The following INPP5A variants were observed in gnomAD, a reference collection of about 807,000 sequenced individuals.
The protein encoded by INPP5A is inositol polyphosphate-5-phosphatase A, also known as 43 kDa inositol polyphosphate 5-phophatase.
In INPP5A, 14 loss-of-function variants were observed where a neutral mutation model predicts 65.2. That is an observed-to-expected ratio of 0.21 (90% confidence interval 0.14 to 0.34). INPP5A has a LOEUF of 0.34. Ranked by LOEUF, INPP5A falls within the 10% of genes least tolerant of loss-of-function variation. The pLI, the probability that INPP5A is intolerant of heterozygous loss-of-function variation, is 1.00. For missense variants in INPP5A, 431 were observed against 545.6 expected, an observed-to-expected ratio of 0.79 and a Z score of 2.09; for synonymous variants, 207 against 208.3, an observed-to-expected ratio of 0.99 and a Z score of 0.05.
intron 7 of INPP5A, among the ~76,000 whole-genome samples, chr10:132,709,826 C>T (rs1845603807): frequency 6.6e-6 from 1 of 152,244 alleles, no homozygotes; most frequent in African/African-American, 2.4e-5. Context: ...GACAGAGGCT[C>T]AGGCCTTGAT....
intron 8 of INPP5A, among the ~76,000 whole-genome samples, chr10:132,721,089 G>T (rs1415713843): frequency 6.6e-6 from 1 of 150,840 alleles, no homozygotes; most frequent in East Asian, 2.0e-4. Flanking sequence ...TGGTACCTGG[G>T]TTCTGCCTGG....
At chr10:132,755,422 G>A (rs1476880220) in intron 11 of INPP5A, among the ~76,000 whole-genome samples, 2 of 151,598 alleles carry the variant, frequency 1.3e-5, no homozygotes, top group Non-Finnish European at 2.9e-5. Context: ...GCAGGCATAT[G>A]CATATGAGTG....
At chr10:132,720,756 CT>C (rs1279558867) in intron 8 of INPP5A, among the ~76,000 whole-genome samples, 2 of 149,864 alleles carry the variant, frequency 1.3e-5, no homozygotes, top group African/African-American at 5.0e-5. Context: ...CCTTAGACGG[CT>C]GTCTTGCGGG....
chr10:132,715,689 G>A (rs1351522615), intron 8 of INPP5A, among the ~76,000 whole-genome samples: 1 of 152,262 alleles, frequency 6.6e-6, no homozygotes, highest in Non-Finnish European at 1.5e-5. Flanking sequence ...TCCAGGCAAA[G>A]GCAAACTCGG....
chr10:132,665,634 C>T (rs981299644), intron 4 of INPP5A, among the ~76,000 whole-genome samples: 3 of 141,212 alleles, frequency 2.1e-5, no homozygotes, highest in African/African-American at 5.4e-5. Flanking sequence ...ATTGCTTGAG[C>T]TTAGGAGTAA....
intron 1 of INPP5A, among the ~76,000 whole-genome samples, chr10:132,565,705 A>AT (rs2071264794): frequency 6.7e-6 from 1 of 148,834 alleles, no homozygotes; most frequent in African/African-American, 2.5e-5. Context: ...GTGTATGTGA[A>AT]TGTGTGCCTG....
At position 132,545,882 on chromosome 10, in the gene INPP5A, A is replaced by G. The variant is rs1209721095; in HGVS notation, c.75+7711A>G. 6.6e-6 allele frequency among the ~76,000 whole-genome samples: 1 copy of G among 152,174 alleles called. No homozygotes were observed. The highest frequency in any genetic ancestry group is 1.5e-5 in the Non-Finnish European group (1 of 68,030). On this transcript the variant is annotated intron_variant, in intron 1 of 15. Coordinates refer to ENST00000368594, the MANE Select transcript of INPP5A (RefSeq NM_005539.5). This position sits in a 1 kb window ranked among gnomAD's most constrained non-coding sequence, Gnocchi z 4.6. ...GCTTTCAGGAAGGCCGACTGCCTCA[A>G]TCGTGGTTGCTGCCTCCGCTCGGCC...
At chr10:132,655,967 G>A (rs1231651054) in intron 4 of INPP5A, among the ~76,000 whole-genome samples, 3 of 152,260 alleles carry the variant, frequency 2.0e-5, no homozygotes, top group Non-Finnish European at 4.4e-5. Flanking sequence ...TGGGTCCCAT[G>A]CAGACTGGTG....
At position 132,674,682 on chromosome 10, in the gene INPP5A, G is replaced by C. The variant is rs1366574450; in HGVS notation, c.307-15710G>C. Among the ~76,000 whole-genome samples, 1 of 152,166 alleles carries C rather than the reference G, an allele frequency of 6.6e-6. No homozygotes were observed. Among genetic ancestry groups the C allele is most frequent in the Non-Finnish European group, 1.5e-5 (1 of 68,030 alleles). ...TGCCACTTCCATTTGATGATGGAATGCTGCTGTGCATGACCCACTTCATGG... is the reference window on the plus strand; with the variant it reads ...TGCCACTTCCATTTGATGATGGAATCCTGCTGTGCATGACCCACTTCATGG... On this transcript the variant is annotated intron_variant, in intron 4 of 15. Coordinates refer to ENST00000368594, the MANE Select transcript of INPP5A (RefSeq NM_005539.5). This position sits in a 1 kb window ranked among gnomAD's most constrained non-coding sequence, Gnocchi z 4.4.
intron 1 of INPP5A, among the ~76,000 whole-genome samples, chr10:132,586,796 GAGAA>G (rs1464719737): frequency 1.1e-4 from 17 of 152,262 alleles, no homozygotes; most frequent in African/African-American, 9.6e-5. Context: ...AAGTTGAACA[GAGAA>G]AGAAACATGC....
intron 1 of INPP5A, among the ~76,000 whole-genome samples, chr10:132,581,235 G>A (rs1311084432): frequency 6.6e-6 from 1 of 152,156 alleles, no homozygotes; most frequent in Non-Finnish European, 1.5e-5. Flanking sequence ...TTGTGGGAGT[G>A]TATGACTATG....
At chr10:132,757,132 C>G (rs796930921) in intron 11 of INPP5A, among the ~76,000 whole-genome samples, 89 of 152,328 alleles carry the variant, frequency 5.8e-4, no homozygotes, top group African/African-American at 2.1e-3. Context: ...TAACTTATTA[C>G]GAGAAAATAC....
intron 2 of INPP5A, among the ~76,000 whole-genome samples, chr10:132,614,730 T>C (rs1350184946): frequency 6.6e-6 from 1 of 152,230 alleles, no homozygotes; most frequent in Non-Finnish European, 1.5e-5. Context: ...GGTGGTGGCC[T>C]CAGGAGGCCT....
chr10:132,571,929 G>C (rs1207273862), intron 1 of INPP5A, among the ~76,000 whole-genome samples: 2 of 152,178 alleles, frequency 1.3e-5, no homozygotes, highest in African/African-American at 4.8e-5. Context: ...AGGCAGAGTG[G>C]GCCGCACCCT....
chr10:132,774,148 C>G lies in INPP5A; in HGVS notation c.978-3523C>G, dbSNP rs138695487. Among the ~76,000 whole-genome samples, 70 of 152,196 alleles carry G rather than the reference C, an allele frequency of 4.6e-4. No homozygotes were observed. The East Asian group carries it at 0.011, about 25-fold the overall frequency. ...CACAGCTGTAATCGTTTAGTTCTTT[C>G]TCTTTGGTTTTAGGGCCTTCTCCTT... On this transcript the variant is annotated intron_variant, in intron 12 of 15. Transcript: ENST00000368594.
chr10:132,624,672 A>G (rs1403220999), intron 2 of INPP5A, among the ~76,000 whole-genome samples: 2 of 152,122 alleles, frequency 1.3e-5, no homozygotes, highest in African/African-American at 2.4e-5. Flanking sequence ...ACCTCCATAC[A>G]TGCTCAGGAC....
intron 8 of INPP5A, among the ~76,000 whole-genome samples, chr10:132,720,104 T>G (rs1476752946): frequency 2.6e-5 from 4 of 150,972 alleles, no homozygotes; most frequent in African/African-American, 4.9e-5. Context: ...TTGCGGGTTC[T>G]GTGGTACCTG....
chr10:132,778,014 C>A, intron 13 of INPP5A: 2 of 1,170,694 alleles, frequency 1.7e-6, no homozygotes, highest in Non-Finnish European at 2.3e-6. Flanking sequence ...GGGCCATGGG[C>A]AGCCAGCGTC....
intron 1 of INPP5A, among the ~76,000 whole-genome samples, chr10:132,548,913 C>T (rs1277186405): frequency 1.3e-5 from 2 of 150,270 alleles, no homozygotes; most frequent in Non-Finnish European, 2.9e-5. Context: ...CTTCCTGCTT[C>T]AGCCTCCTGA....
Sources: gnomAD v4.1 joint callset for allele counts (sites outside exome capture counted in the v4.1 genomes callset) on GRCh38, gnomAD v4.1.1 for gene constraint, Gnocchi (gnomAD v3.1) non-coding constraint, MANE v1.5 for transcripts, NCBI Gene and HGNC (gene_info 2026-07-23, HGNC 2026-07-21) for gene names.